TAMM41: variants seen among roughly 807,000 people sequenced by gnomAD.
TAMM41 encodes phosphatidate cytidylyltransferase, mitochondrial.
Under a neutral mutation model 44.1 loss-of-function variants are expected in TAMM41, and 36 were observed. The observed-to-expected ratio is 0.82, with a 90% CI of 0.63 to 1.08. The LOEUF is 1.08. Ranked by LOEUF, TAMM41 falls within the 50% of genes least tolerant of loss-of-function variation. The pLI is 0.00. For missense variants in TAMM41, 417 were observed against 404.3 expected (o/e 1.03, Z -0.27); for synonymous variants, 164 against 153.1 (o/e 1.07, Z -0.53).
the TAMM41 span, among the ~76,000 whole-genome samples, chr3:11,739,262 T>C: frequency 6.6e-6 from 1 of 152,204 alleles, no homozygotes; most frequent in African/African-American, 2.4e-5. Context: ...CTCCCCTAGA[T>C]GATAAGGTCC....
At chr3:11,846,214 C>G (rs1332275695) in intron 1 of TAMM41, among the ~76,000 whole-genome samples, 2 of 152,386 alleles carry the variant, frequency 1.3e-5, no homozygotes, top group East Asian at 3.9e-4. Context: ...CTGAAAGAAC[C>G]TGATAACGAT....
downstream of TAMM41, among the ~76,000 whole-genome samples, chr3:11,790,076 T>C (rs1445963424): frequency 6.6e-6 from 1 of 152,070 alleles, no homozygotes; most frequent in Non-Finnish European, 1.5e-5. Context: ...AATGTTGACG[T>C]GACACTTGCG....
the TAMM41 span, among the ~76,000 whole-genome samples, chr3:11,730,596 T>C: frequency 6.6e-6 from 1 of 151,134 alleles, no homozygotes; most frequent in African/African-American, 2.4e-5. Flanking sequence ...TAGCCGGGCG[T>C]GGCGGTGGGC....
chr3:11,723,485 A>G, the TAMM41 span, among the ~76,000 whole-genome samples: 1 of 151,256 alleles, frequency 6.6e-6, no homozygotes, highest in Non-Finnish European at 1.5e-5. Flanking sequence ...GGAGGCTGAC[A>G]TGGTAGGATC....
the TAMM41 span, among the ~76,000 whole-genome samples, chr3:11,731,854 A>G: frequency 6.7e-6 from 1 of 148,928 alleles, no homozygotes; most frequent in South Asian, 2.1e-4. Flanking sequence ...TTGCACTGTG[A>G]GGGGTCTCAA....
chr3:11,796,747 C>T (rs542774717), intron 7 of TAMM41, among the ~76,000 whole-genome samples: 14 of 152,248 alleles, frequency 9.2e-5, no homozygotes, highest in African/African-American at 3.1e-4. Context: ...AACAAAAGGA[C>T]TCATAAAGAA....
the TAMM41 span, among the ~76,000 whole-genome samples, chr3:11,774,949 A>T: frequency 6.6e-6 from 1 of 150,660 alleles, no homozygotes; most frequent in Non-Finnish European, 1.5e-5. Context: ...GCTTACCGCA[A>T]TCTCCGCCCC....
the TAMM41 span, among the ~76,000 whole-genome samples, chr3:11,773,318 T>TAA: frequency 2.3e-4 from 34 of 146,126 alleles, no homozygotes; most frequent in Non-Finnish European, 3.6e-4. Flanking sequence ...TTGATTTGCT[T>TAA]AAAAAAAAAA....
intron 7 of TAMM41, chr3:11,807,549 A>C (rs1317051472): frequency 6.5e-7 from 1 of 1,536,134 alleles, no homozygotes; most frequent in Non-Finnish European, 8.7e-7. Flanking sequence ...AACTTTGATA[A>C]ATAAAACAAT....
chr3:11,749,322 C>G, the TAMM41 span, among the ~76,000 whole-genome samples: 1 of 152,182 alleles, frequency 6.6e-6, no homozygotes, highest in Non-Finnish European at 1.5e-5. Flanking sequence ...GGACTTGAAC[C>G]TGAAGGTGTC....
the TAMM41 span, among the ~76,000 whole-genome samples, chr3:11,757,059 C>T: frequency 6.6e-6 from 1 of 152,050 alleles, no homozygotes; most frequent in Non-Finnish European, 1.5e-5. Flanking sequence ...TTAACCTTTG[C>T]AAACATCCCA....
chr3:11,769,531 A>T, the TAMM41 span, among the ~76,000 whole-genome samples: 1 of 152,300 alleles, frequency 6.6e-6, no homozygotes, highest in Non-Finnish European at 1.5e-5. Context: ...CTGCTGCTGT[A>T]GTGTGAAAGC....
the TAMM41 span, among the ~76,000 whole-genome samples, chr3:11,740,604 C>T: frequency 2.6e-5 from 4 of 151,354 alleles, no homozygotes; most frequent in East Asian, 1.9e-4. Flanking sequence ...TTTTTTGAGA[C>T]GGAGTTTTGC....
chr3:11,756,328 T>C, the TAMM41 span, among the ~76,000 whole-genome samples: 1 of 152,188 alleles, frequency 6.6e-6, no homozygotes, highest in African/African-American at 2.4e-5. Context: ...TCTTTTCTCA[T>C]GCATTGGAAC....
At chr3:11,747,603 C>A in the TAMM41 span, among the ~76,000 whole-genome samples, 2 of 151,592 alleles carry the variant, frequency 1.3e-5, no homozygotes, top group Non-Finnish European at 2.9e-5. Flanking sequence ...TCCATCCCTA[C>A]ATAAAATTCC....
chr3:11,770,655 C>T, the TAMM41 span, among the ~76,000 whole-genome samples: 6 of 152,196 alleles, frequency 3.9e-5, no homozygotes, highest in South Asian at 1.0e-3. Context: ...AGGTCAGGAA[C>T]GATTGGCTGG....
At chr3:11,785,266 G>A in the TAMM41 span, among the ~76,000 whole-genome samples, 3 of 152,196 alleles carry the variant, frequency 2.0e-5, no homozygotes, top group Admixed American at 6.5e-5. Context: ...GAAGTTCCTG[G>A]GTTTGTCTGC....
rs575112750 is a variant in TAMM41 at position 11,807,655 on chromosome 3, C to T, written c.937+178G>A. Reference sequence around the variant, plus strand: ...CTGCCAATGGTCTGACATTGTTCGACCACCAGGTTCTGCTGCTGTTATGCC... The same window carrying T: ...CTGCCAATGGTCTGACATTGTTCGATCACCAGGTTCTGCTGCTGTTATGCC... On this transcript the variant is annotated intron_variant, in intron 7 of 7. Transcript: ENST00000455809. The T allele has an allele frequency of 3.0e-5, 46 of 1,536,316 alleles. No homozygotes were observed. The African/African-American group carries it at 6.1e-4, about 21-fold the overall frequency.
the TAMM41 span, among the ~76,000 whole-genome samples, chr3:11,737,461 C>A: frequency 5.9e-5 from 9 of 151,984 alleles, no homozygotes; most frequent in Non-Finnish European, 1.2e-4. Flanking sequence ...GCTGGGATTA[C>A]AGGCACCCAC....
Sources: gnomAD v4.1 joint callset for allele counts (sites outside exome capture counted in the v4.1 genomes callset) on GRCh38, gnomAD v4.1.1 for gene constraint, MANE v1.5 for transcripts, NCBI Gene and HGNC (gene_info 2026-07-23, HGNC 2026-07-21) for gene names.